KCNQ2: variants seen among roughly 807,000 people sequenced by gnomAD.
The protein encoded by KCNQ2 is potassium voltage-gated channel subfamily Q member 2, also known as potassium voltage-gated channel subfamily KQT member 2.
Under a neutral mutation model 84.8 loss-of-function variants are expected in KCNQ2, and 14 were observed. The ratio of observed to expected loss-of-function variants is 0.17; its 90% CI spans 0.11 to 0.26. The LOEUF (loss-of-function observed/expected upper bound fraction) is 0.26, where lower values mean the gene tolerates loss of function less well. KCNQ2 is among the 10% of genes least tolerant of loss of function. The pLI is 1.00. For missense variants in KCNQ2, 788 were observed against 1,254.0 expected (o/e 0.63, Z 5.61); for synonymous variants, 599 against 554.1 (o/e 1.08, Z -1.14).
chr20:63,462,391 G>A (rs1000393622), intron 1 of KCNQ2, among the ~76,000 whole-genome samples: 10 of 151,070 alleles, frequency 6.6e-5, no homozygotes, highest in Non-Finnish European at 1.5e-4. Flanking sequence ...CAGGCAGCAG[G>A]GAGGAAAATG....
rs777542411 is a variant in KCNQ2 at position 63,424,070 on chromosome 20, A to T, written c.1247+107T>A. On this transcript the variant is annotated intron_variant, in intron 11 of 16. Transcript: ENST00000359125. ...CAGTCACACAGTCACACACGGAAGC[A>T]CACACAAGGCCCTCACATCTCCATG... 19 of 1,274,638 alleles carry T rather than the reference A, an allele frequency of 1.5e-5. No homozygotes were observed. In the South Asian group the frequency reaches 2.2e-4, roughly 15 times the overall value. The allele number at this position is 1,274,638 out of a possible 1,614,324, so 79.0% of individuals were successfully genotyped here. A position where few individuals can be genotyped will look rare whatever the true frequency, so the allele number is the denominator to read the frequency against.
intron 11 of KCNQ2, among the ~76,000 whole-genome samples, chr20:63,421,448 G>C (rs1327162315): frequency 6.6e-6 from 1 of 152,178 alleles, no homozygotes. Context: ...CTTTGTGGGG[G>C]ACCCGTGCAG....
chr20:63,467,656 T>C (rs745679015), intron 1 of KCNQ2, among the ~76,000 whole-genome samples: 3 of 152,356 alleles, frequency 2.0e-5, no homozygotes, highest in Non-Finnish European at 4.4e-5. Context: ...ATCCATAGAT[T>C]CATTTGTTTA....
rs755323506 is a variant in KCNQ2, at chr20:63,406,599, C to T, written c.*45G>A. On this transcript the variant is annotated 3_prime_UTR_variant, in exon 17 of 17. Coordinates refer to ENST00000359125, the MANE Select transcript of KCNQ2 (RefSeq NM_172107.4). The stretch of plus-strand genomic sequence containing the variant: ...TCCCGCCTCAAAACCTCGGAGGCAC[C>T]GTGCTGAGGAGGGCCGCGGGCGGGT... 9.8e-5 allele frequency: 151 copies of T among 1,541,564 alleles called. No homozygotes were observed. Among genetic ancestry groups the T allele is most frequent in the Non-Finnish European group, 1.2e-4 (143 of 1,150,938 alleles).
chr20:63,468,677 A>T (rs1487055087), intron 1 of KCNQ2, among the ~76,000 whole-genome samples: 3 of 152,096 alleles, frequency 2.0e-5, no homozygotes, highest in African/African-American at 7.2e-5. Flanking sequence ...GGCCCCTAAA[A>T]CCCTGGACCC....
intron 1 of KCNQ2, among the ~76,000 whole-genome samples, chr20:63,452,800 C>T (rs1158283410): frequency 6.6e-6 from 1 of 152,134 alleles, no homozygotes; most frequent in East Asian, 1.9e-4. Flanking sequence ...TGGCCTGCAG[C>T]CACAGAGAGA....
rs963835747 is a variant in KCNQ2, at chr20:63,425,369, AT to A, written c.1218-1164del. ...CGAGAATACACTCACCCCTGCCAAGATCCCCCAAAATCTCCACCCTCTGCAG... is the reference window on the plus strand; with the variant it reads ...CGAGAATACACTCACCCCTGCCAAGACCCCCAAAATCTCCACCCTCTGCAG... On this transcript the variant is annotated intron_variant, in intron 10 of 16. Transcript: ENST00000359125. This position sits in a 1 kb window ranked among gnomAD's most constrained non-coding sequence, Gnocchi z 5.5. 5.3e-5 allele frequency among the ~76,000 whole-genome samples: 8 copies of A among 152,066 alleles called. No individual in the cohort carries two copies. The highest frequency in any genetic ancestry group is 7.4e-5 in the Non-Finnish European group (5 of 68,014).
intron 1 of KCNQ2, among the ~76,000 whole-genome samples, chr20:63,464,071 T>C (rs113564940): frequency 3.9e-5 from 6 of 152,258 alleles, no homozygotes; most frequent in African/African-American, 1.4e-4. Context: ...AAAGACCTAA[T>C]TTTGTTCAAG....
chr20:63,413,249 A>T lies in KCNQ2; in HGVS notation c.1763+201T>A, dbSNP rs2080178027. 4.8e-6 allele frequency: 3 copies of T among 620,800 alleles called. No homozygotes were observed. The South Asian group carries it at 5.9e-5, about 12-fold the overall frequency. The allele number at this position is 620,800 out of a possible 1,614,324, so 38.5% of individuals were successfully genotyped here. ...CACGCACTTGCCCACCGCGGTGTGG[A>T]TGGGGGAGAGATGGGAGAGACAGCA... On this transcript the variant is annotated intron_variant, in intron 15 of 16. Transcript: ENST00000359125.
At chr20:63,417,334 C>T (rs1024701723) in intron 12 of KCNQ2, among the ~76,000 whole-genome samples, 1 of 152,254 alleles carries the variant, frequency 6.6e-6, no homozygotes, top group African/African-American at 2.4e-5. Context: ...GAATAGGCCC[C>T]TCCTGACCCC....
Position 63,414,838 on chromosome 20 carries a change from A to G in KCNQ2, c.1525+65T>C. The G allele has an allele frequency of 1.3e-6, 2 of 1,483,266 alleles. No homozygotes were observed. Among genetic ancestry groups the G allele is most frequent in the Non-Finnish European group, 1.9e-6 (2 of 1,064,420 alleles). The allele number at this position is 1,483,266 out of a possible 1,614,324, so 91.9% of individuals were successfully genotyped here. Reference sequence around the variant, plus strand: ...AGCTGCGACGCCACAGGGTGGCCACAGTAGCGTGGCCACCACATCCATCCC... The same window carrying G: ...AGCTGCGACGCCACAGGGTGGCCACGGTAGCGTGGCCACCACATCCATCCC... On this transcript the variant is annotated intron_variant, in intron 13 of 16. Transcript: ENST00000359125. The surrounding 1 kb of genome is among the most constrained non-coding windows in gnomAD (Gnocchi z 6.6).
At chr20:63,420,971 C>T (rs894496442) in intron 11 of KCNQ2, among the ~76,000 whole-genome samples, 3 of 152,160 alleles carry the variant, frequency 2.0e-5, no homozygotes, top group African/African-American at 7.2e-5. Flanking sequence ...GTCTCTCCCG[C>T]TGTGACCACC....
chr20:63,442,611 ACATCAACAC>A lies in KCNQ2; in HGVS notation c.691-89_691-81del, dbSNP rs2081197610. 8 of 1,476,976 alleles carry A rather than the reference ACATCAACAC, an allele frequency of 5.4e-6. No homozygotes were observed. In the South Asian group the frequency reaches 8.0e-5, roughly 15 times the overall value. 91.5% of individuals were successfully genotyped at this position (1,476,976 alleles called of 1,614,324 possible). Reference sequence around the variant, plus strand: ...CACCACCACCAACACCACCACCATCACATCAACACCATGACCACCATCACCACCACCAAA... The same window carrying A: ...CACCACCACCAACACCACCACCATCACATGACCACCATCACCACCACCAAA... On this transcript the variant is annotated intron_variant, in intron 4 of 16. Transcript: ENST00000359125.
chr20:63,428,341 G>A (rs763462894), intron 10 of KCNQ2, 26 bp downstream of exon 10: 119 of 1,539,860 alleles, frequency 7.7e-5, no homozygotes, highest in Non-Finnish European at 9.1e-5. Flanking sequence ...ACGCCCACCC[G>A]CCCCACCTGG....
intron 5 of KCNQ2, 195 bp from the exon 6 acceptor site, chr20:63,439,903 C>T: frequency 1.6e-6 from 1 of 644,364 alleles, no homozygotes; most frequent in South Asian, 1.7e-5. Flanking sequence ...TCTCCTCTTC[C>T]CCTACAGGCC....
intron 4 of KCNQ2, among the ~76,000 whole-genome samples, chr20:63,443,118 TATCACC>T (rs2081278693): frequency 7.4e-5 from 1 of 13,592 alleles, no homozygotes; most frequent in Non-Finnish European, 1.5e-4. Context: ...CCACCACCAC[TATCACC>T]ACCACCACCA....
At chr20:63,419,759 A>G in intron 11 of KCNQ2, 87 bp from the exon 12 acceptor site, 2 of 1,243,950 alleles carry the variant, frequency 1.6e-6, no homozygotes, top group Non-Finnish European at 2.3e-6. Flanking sequence ...GCAACCACCC[A>G]GGGTGTTGTG....
rs540171907 is a variant in KCNQ2, at chr20:63,428,328, G to A, written c.1217+39C>T. On this transcript the variant is annotated intron_variant, in intron 10 of 16. Coordinates refer to ENST00000359125, the MANE Select transcript of KCNQ2 (RefSeq NM_172107.4). ...GGCAGCTGGGGCCCCCAGGAGGACTGAGACGCCCACCCGCCCCACCTGGAG... is the reference window on the plus strand; with the variant it reads ...GGCAGCTGGGGCCCCCAGGAGGACTAAGACGCCCACCCGCCCCACCTGGAG... 2.4e-5 allele frequency: 36 copies of A among 1,500,084 alleles called. 1 individual carries two copies. The South Asian group carries it at 2.8e-4, about 12-fold the overall frequency. The allele number at this position is 1,500,084 out of a possible 1,614,324, so 92.9% of individuals were successfully genotyped here.
chr20:63,425,262 T>C lies in KCNQ2; in HGVS notation c.1218-1056A>G, dbSNP rs1241276770. On this transcript the variant is annotated intron_variant, in intron 10 of 16. Transcript: ENST00000359125. The surrounding 1 kb of genome is among the most constrained non-coding windows in gnomAD (Gnocchi z 5.5). ...ACCCTTTCTCCAAATCAGGTCACAT[T>C]TGCAAATTCTGGGACATTTTGGAGA... 6.6e-6 allele frequency among the ~76,000 whole-genome samples: 1 copy of C among 152,114 alleles called. No individual in the cohort carries two copies. The highest frequency in any genetic ancestry group is 1.5e-5 in the Non-Finnish European group (1 of 68,004).
Sources: allele counts gnomAD v4.1 joint callset (sites outside exome capture counted in the v4.1 genomes callset), GRCh38; gene constraint gnomAD v4.1.1; non-coding constraint Gnocchi (gnomAD v3.1); transcripts MANE v1.5; gene names NCBI Gene and HGNC (gene_info 2026-07-23, HGNC 2026-07-21).